Variants in ENTREP2 observed in about 807,000 individuals in gnomAD.
ENTREP2 encodes the protein endosomal transmembrane epsin interactor 2, also known as protein ENTREP2.
At chr15:29,657,179 C>T in the ENTREP2 span, among the ~76,000 whole-genome samples, 1 of 151,986 alleles carries the variant, frequency 6.6e-6, no homozygotes, top group Non-Finnish European at 1.5e-5. Flanking sequence ...TCCTGAGCAG[C>T]TGGGACTACA....
At chr15:29,536,103 G>A in the ENTREP2 span, among the ~76,000 whole-genome samples, 1 of 152,268 alleles carries the variant, frequency 6.6e-6, no homozygotes, top group South Asian at 2.1e-4. Context: ...GAAAAGGTCA[G>A]TATTAGCTAA....
At chr15:29,460,855 G>C in the ENTREP2 span, among the ~76,000 whole-genome samples, 6 of 151,984 alleles carry the variant, frequency 3.9e-5, no homozygotes, top group Admixed American at 2.6e-4. Flanking sequence ...CAATTAGTAA[G>C]CCATTGGTGG....
chr15:29,667,714 T>C, the ENTREP2 span, among the ~76,000 whole-genome samples: 1 of 152,084 alleles, frequency 6.6e-6, no homozygotes, highest in Admixed American at 6.6e-5. Context: ...CAGGCTGGTC[T>C]CGAACTCCTG....
the ENTREP2 span, among the ~76,000 whole-genome samples, chr15:29,418,593 T>C: frequency 6.6e-6 from 1 of 152,202 alleles, no homozygotes; most frequent in Non-Finnish European, 1.5e-5. Context: ...CACAGGTCTT[T>C]CGCTTCCAGG....
At chr15:29,667,969 C>A in the ENTREP2 span, among the ~76,000 whole-genome samples, 17 of 151,744 alleles carry the variant, frequency 1.1e-4, no homozygotes, top group Non-Finnish European at 2.4e-4. Context: ...AAATTAGAAT[C>A]TCCCTACCCA....
At chr15:29,124,899 C>T in the ENTREP2 span, 8 of 734,610 alleles carry the variant, frequency 1.1e-5, no homozygotes, top group Admixed American at 2.3e-5. Flanking sequence ...ACCCACCGAG[C>T]GGCAGATCAG....
the ENTREP2 span, among the ~76,000 whole-genome samples, chr15:29,484,154 C>T: frequency 6.6e-6 from 1 of 152,276 alleles, no homozygotes; most frequent in South Asian, 2.1e-4. Flanking sequence ...AGGTTGAAAG[C>T]AAATAGCTCC....
chr15:29,254,714 G>A, the ENTREP2 span, among the ~76,000 whole-genome samples: 6 of 152,104 alleles, frequency 3.9e-5, no homozygotes, highest in South Asian at 6.2e-4. Context: ...AAAATTAGCC[G>A]GGCATGGTGC....
At chr15:29,285,919 T>C in the ENTREP2 span, among the ~76,000 whole-genome samples, 1 of 152,156 alleles carries the variant, frequency 6.6e-6, no homozygotes, top group Admixed American at 6.5e-5. Context: ...TAATTCACCA[T>C]ATTAACAGAA....
At chr15:29,636,656 C>A in the ENTREP2 span, among the ~76,000 whole-genome samples, 2 of 152,194 alleles carry the variant, frequency 1.3e-5, no homozygotes, top group Non-Finnish European at 2.9e-5. Flanking sequence ...TGAAAAACAA[C>A]CCTGACACCA....
chr15:29,271,386 T>TA, the ENTREP2 span, among the ~76,000 whole-genome samples: 2 of 152,178 alleles, frequency 1.3e-5, no homozygotes, highest in Non-Finnish European at 2.9e-5. Flanking sequence ...ATTGAGGGAA[T>TA]AGAGAGACCG....
chr15:29,247,344 C>T, the ENTREP2 span, among the ~76,000 whole-genome samples: 1 of 152,188 alleles, frequency 6.6e-6, no homozygotes, highest in Non-Finnish European at 1.5e-5. Context: ...CAAATCCATT[C>T]TTTCCAAGTC....
chr15:29,183,800 G>T, the ENTREP2 span, among the ~76,000 whole-genome samples: 2 of 152,186 alleles, frequency 1.3e-5, no homozygotes, highest in African/African-American at 4.8e-5. Flanking sequence ...TCTAATTTCA[G>T]ACAGAGGGAG....
chr15:29,222,196 C>A, the ENTREP2 span, among the ~76,000 whole-genome samples: 1 of 152,132 alleles, frequency 6.6e-6, no homozygotes, highest in African/African-American at 2.4e-5. Flanking sequence ...CCATCAAAAC[C>A]AAGATGGTGA....
the ENTREP2 span, chr15:29,121,521 G>A: frequency 6.6e-6 from 1 of 152,254 alleles, no homozygotes; most frequent in Non-Finnish European, 1.5e-5. Flanking sequence ...AGAGGCCAGG[G>A]CGTCAGGCGT....
chr15:29,412,975 A>G, the ENTREP2 span, among the ~76,000 whole-genome samples: 2 of 151,524 alleles, frequency 1.3e-5, no homozygotes, highest in East Asian at 1.9e-4. Context: ...TCAATTGTCA[A>G]TCTTTCTAGG....
the ENTREP2 span, among the ~76,000 whole-genome samples, chr15:29,126,848 C>T: frequency 2.6e-5 from 4 of 152,188 alleles, no homozygotes; most frequent in East Asian, 1.9e-4. Context: ...CACCAGGTCG[C>T]GGCAGGCCAG....
chr15:29,284,696 C>A, the ENTREP2 span, among the ~76,000 whole-genome samples: 3 of 152,152 alleles, frequency 2.0e-5, no homozygotes, highest in Non-Finnish European at 4.4e-5. Context: ...CTCCACCAGG[C>A]AACTACAGAG....
chr15:29,409,334 A>G, the ENTREP2 span, among the ~76,000 whole-genome samples: 7 of 151,974 alleles, frequency 4.6e-5, no homozygotes, highest in Non-Finnish European at 1.0e-4. Context: ...TTTCCTTTAT[A>G]AAAATTAATT....
Sources: gnomAD v4.1 joint callset for allele counts (sites outside exome capture counted in the v4.1 genomes callset) on GRCh38, gnomAD v4.1.1 for gene constraint, MANE v1.5 for transcripts, NCBI Gene and HGNC (gene_info 2026-07-23, HGNC 2026-07-21) for gene names.